The following IMMP2L variants were observed in gnomAD, a reference collection of about 807,000 sequenced individuals.
The protein encoded by IMMP2L is mitochondrial inner membrane protease subunit 2.
A neutral mutation model predicts 19.3 loss-of-function variants in IMMP2L; 18 were observed. The observed-to-expected ratio is 0.93, with a 90% CI of 0.64 to 1.38. The LOEUF is 1.38. Among genes scored for constraint, IMMP2L ranks in the 40% most tolerant of loss-of-function variants. The probability of loss-of-function intolerance (pLI) is 0.00; values close to 1 mark genes in which losing one functional copy is unlikely to be tolerated. For synonymous variants in IMMP2L, 76 were observed against 73.0 expected (o/e 1.04, Z -0.21); for missense variants, 233 against 218.2 (o/e 1.07, Z -0.43).
At chr7:110,782,316 A>G (rs1244141824) in intron 5 of IMMP2L, among the ~76,000 whole-genome samples, 1 of 151,966 alleles carries the variant, frequency 6.6e-6, no homozygotes, top group African/African-American at 2.4e-5. Flanking sequence ...ATTAAAAATA[A>G]CAGTAGGGGA....
Position 111,521,474 on chromosome 7 carries a change from T to C in IMMP2L, c.-2-25A>G, listed in dbSNP as rs774161854. ...CCTAAAAATACAAAGAAAACAACTA[T>C]GAAATTAGTCTCAAGAAAGGTGAAA... is the stretch of plus-strand genomic sequence containing the variant. On this transcript the variant is annotated intron_variant, in intron 1 of 5. Coordinates refer to ENST00000405709, the MANE Select transcript of IMMP2L (RefSeq NM_032549.4). 2.9e-5 allele frequency: 46 copies of C among 1,574,068 alleles called. No homozygotes were observed. In the East Asian group the frequency reaches 6.7e-4, roughly 23 times the overall value.
At chr7:111,391,076 A>G (rs1279031140) in intron 3 of IMMP2L, among the ~76,000 whole-genome samples, 1 of 152,140 alleles carries the variant, frequency 6.6e-6, no homozygotes, top group Non-Finnish European at 1.5e-5. Context: ...AGTCCCAATT[A>G]CTGATATATC....
chr7:111,047,165 T>C (rs1792478468), intron 3 of IMMP2L, among the ~76,000 whole-genome samples: 3 of 68,356 alleles, frequency 4.4e-5, no homozygotes, highest in Admixed American at 2.0e-4. Context: ...AACTTCAAAA[T>C]GTCTTTTTTG....
At chr7:110,970,647 T>C (rs142971599) in intron 3 of IMMP2L, among the ~76,000 whole-genome samples, 1 of 152,232 alleles carries the variant, frequency 6.6e-6, no homozygotes, top group African/African-American at 2.4e-5. Context: ...ACTCTTTCAA[T>C]ACAGATTCCC....
In IMMP2L at chr7:110,980,458, C is replaced by T. The variant is rs935943508; in HGVS notation, c.240-16893G>A. On this transcript the variant is annotated intron_variant, in intron 3 of 5. Coordinates refer to ENST00000405709, the MANE Select transcript of IMMP2L (RefSeq NM_032549.4). ...GTCTCGATCTCCTGACCTCGTGATC[C>T]GCCCGCCTCGGCCTCCCAGAGTGCT... Among the ~76,000 whole-genome samples, 56 of 151,618 alleles carry T rather than the reference C, an allele frequency of 3.7e-4. 2 individuals carry two copies. The highest frequency in any genetic ancestry group is 2.1e-4 in the South Asian group (1 of 4,796).
At chr7:111,390,087 A>C (rs1832190333) in intron 3 of IMMP2L, among the ~76,000 whole-genome samples, 1 of 152,186 alleles carries the variant, frequency 6.6e-6, no homozygotes, top group Admixed American at 6.5e-5. Context: ...CCCTTCAAAG[A>C]AGCACTCACT....
intron 3 of IMMP2L, among the ~76,000 whole-genome samples, chr7:111,160,603 T>C (rs1279857695): frequency 6.6e-6 from 1 of 151,764 alleles, no homozygotes; most frequent in Non-Finnish European, 1.5e-5. Flanking sequence ...TTTATTAAGA[T>C]AGAAGGCTAT....
chr7:111,079,553 T>C (rs921582158), intron 3 of IMMP2L, among the ~76,000 whole-genome samples: 1 of 152,252 alleles, frequency 6.6e-6, no homozygotes, highest in Non-Finnish European at 1.5e-5. Context: ...CTTAAGACAA[T>C]GTCCCAAATC....
intron 3 of IMMP2L, among the ~76,000 whole-genome samples, chr7:111,111,921 T>TTA (rs140449960): frequency 0.029 from 4,224 of 144,012 alleles, 165 homozygotes; most frequent in African/African-American, 0.077. Flanking sequence ...TATATTTTAT[T>TTA]TATATATATA....
chr7:111,046,197 T>G (rs895873001), intron 3 of IMMP2L, among the ~76,000 whole-genome samples: 1 of 152,004 alleles, frequency 6.6e-6, no homozygotes, highest in Admixed American at 6.5e-5. Flanking sequence ...TGTATAGTCA[T>G]TAAAATTTTA....
chr7:111,340,198 A>G (rs746483145), intron 3 of IMMP2L, among the ~76,000 whole-genome samples: 13 of 152,060 alleles, frequency 8.5e-5, no homozygotes, highest in Non-Finnish European at 1.6e-4. Context: ...AATCATTATT[A>G]TTGGGCAACA....
intron 4 of IMMP2L, among the ~76,000 whole-genome samples, chr7:110,906,690 T>C (rs1812490744): frequency 1.3e-5 from 2 of 152,016 alleles, no homozygotes; most frequent in South Asian, 4.2e-4. Context: ...TACTTAATGA[T>C]TTAATTAATT....
At chr7:111,360,817 CAA>C (rs1226351109) in intron 3 of IMMP2L, among the ~76,000 whole-genome samples, 1 of 151,770 alleles carries the variant, frequency 6.6e-6, no homozygotes, top group Non-Finnish European at 1.5e-5. Context: ...TACCTTGTTT[CAA>C]AAAAACAAAG....
intron 3 of IMMP2L, among the ~76,000 whole-genome samples, chr7:111,200,907 T>A (rs1231219542): frequency 6.6e-6 from 1 of 152,178 alleles, no homozygotes; most frequent in East Asian, 1.9e-4. Flanking sequence ...ATATTGTCAT[T>A]GTTGCTTATT....
chr7:111,227,319 G>A (rs749797700), intron 3 of IMMP2L, among the ~76,000 whole-genome samples: 8 of 152,058 alleles, frequency 5.3e-5, no homozygotes, highest in East Asian at 3.9e-4. Context: ...TTTGCTACCC[G>A]AAGTATTACT....
intron 3 of IMMP2L, among the ~76,000 whole-genome samples, chr7:111,285,206 A>G (rs1303125371): frequency 2.0e-5 from 3 of 152,214 alleles, no homozygotes; most frequent in Non-Finnish European, 4.4e-5. Context: ...AAAGGCCATC[A>G]GGATGCAATT....
chr7:111,040,526 G>C (rs1791792356), intron 3 of IMMP2L, among the ~76,000 whole-genome samples: 1 of 151,332 alleles, frequency 6.6e-6, no homozygotes, highest in Non-Finnish European at 1.5e-5. Flanking sequence ...TCTAACATTT[G>C]ATTGTATATC....
chr7:111,439,636 G>A (rs953642148), intron 3 of IMMP2L, among the ~76,000 whole-genome samples: 2 of 151,940 alleles, frequency 1.3e-5, no homozygotes, highest in African/African-American at 4.9e-5. Context: ...TCTTTTAGCT[G>A]TGGAAGTGTC....
chr7:110,793,701 C>T (rs1378732804), intron 5 of IMMP2L, among the ~76,000 whole-genome samples: 1 of 151,918 alleles, frequency 6.6e-6, no homozygotes, highest in Non-Finnish European at 1.5e-5. Flanking sequence ...GTGCTGTATA[C>T]TGGAAATTTG....
Sources: allele counts gnomAD v4.1 joint callset (sites outside exome capture counted in the v4.1 genomes callset), GRCh38; gene constraint gnomAD v4.1.1; transcripts MANE v1.5; gene names NCBI Gene and HGNC (gene_info 2026-07-23, HGNC 2026-07-21).